Variants in ADGRE3 observed in about 807,000 individuals in gnomAD.
ADGRE3 encodes EGF-like module receptor 3.
ADGRE3 carries 88 observed loss-of-function variants against 80.1 expected under a neutral mutation model. The observed-to-expected ratio is 1.10, with a 90% CI of 0.93 to 1.31. The LOEUF (loss-of-function observed/expected upper bound fraction) is 1.31, where lower values mean the gene tolerates loss of function less well. ADGRE3 is among the 40% of genes most tolerant of loss of function. The pLI is 0.00. For synonymous variants in ADGRE3, 281 were observed against 294.8 expected, an observed-to-expected ratio of 0.95 and a Z score of 0.48; for missense variants, 715 against 776.5, an observed-to-expected ratio of 0.92 and a Z score of 0.94.
chr19:14,644,170 G>A lies in ADGRE3; in HGVS notation c.988C>T (p.His330Tyr). The change falls in exon 9 of 16, where the codon CAC (histidine) becomes TAC (tyrosine). Residue 330 changes from histidine to tyrosine, a missense_variant. Physicochemically the swap from His to Tyr is moderately conservative, Grantham distance 83. Coordinates refer to ENST00000253673, the MANE Select transcript of ADGRE3 (RefSeq NM_032571.5). ...AGGTGACTGCAATTACACATGGTGT[G>A]ACTCTTGTTCACGTGTATCAGGAAG... ...GCFLIHVNKS[H>Y]TMCNCSHLSS... 1.9e-6 allele frequency: 3 copies of A among 1,608,302 alleles called. No individual in the cohort carries two copies. Among genetic ancestry groups the A allele is most frequent in the Non-Finnish European group, 2.5e-6 (3 of 1,177,444 alleles).
intron 14 of ADGRE3, among the ~76,000 whole-genome samples, chr19:14,627,031 G>A (rs945241570): frequency 2.0e-5 from 3 of 152,202 alleles, no homozygotes; most frequent in Admixed American, 6.5e-5. Flanking sequence ...TGAGAGGGCC[G>A]TGGACAGCAT....
chr19:14,640,444 C>G (rs760232918), intron 10 of ADGRE3, among the ~76,000 whole-genome samples: 1 of 152,070 alleles, frequency 6.6e-6, no homozygotes, highest in Non-Finnish European at 1.5e-5. Flanking sequence ...TGCTCATCAC[C>G]ACGCTGGGCT....
chr19:14,638,135 G>A lies in ADGRE3; in HGVS notation c.1454C>T (p.Ser485Phe), dbSNP rs1447380683. 5 of 1,614,132 alleles carry A rather than the reference G, an allele frequency of 3.1e-6. No individual in the cohort carries two copies. Among genetic ancestry groups the A allele is most frequent in the Non-Finnish European group, 4.2e-6 (5 of 1,179,994 alleles). The change falls in exon 11 of 16, where the codon TCC becomes TTC. Residue 485 changes from serine to phenylalanine, a missense_variant. By Grantham distance (155) the Ser-to-Phe change is radical. Transcript: ENST00000253673. Reference protein sequence around the residue: ...PAVTVAISAASWPHLYGTADR... With the variant: ...PAVTVAISAAFWPHLYGTADR... ...AGCAGTTCCATAAAGGTGAGGCCAGGAGGCTGCAGAAATGGCCACAGTCAC... is the reference window on the plus strand; with the variant it reads ...AGCAGTTCCATAAAGGTGAGGCCAGAAGGCTGCAGAAATGGCCACAGTCAC...
chr19:14,608,747 CCT>C, the ADGRE3 span, among the ~76,000 whole-genome samples: 535 of 151,052 alleles, frequency 3.5e-3, 4 homozygotes, highest in African/African-American at 0.012. Flanking sequence ...GATTCTCCCA[CCT>C]CAGACTATTG....
intron 4 of ADGRE3, among the ~76,000 whole-genome samples, chr19:14,660,817 A>T (rs907492041): frequency 2.6e-5 from 4 of 151,898 alleles, no homozygotes; most frequent in East Asian, 1.9e-4. Flanking sequence ...AAACTGGGCC[A>T]ATGTATTCAT....
chr19:14,669,817 G>T (rs956026115), intron 1 of ADGRE3, among the ~76,000 whole-genome samples: 23 of 152,104 alleles, frequency 1.5e-4, no homozygotes, highest in African/African-American at 5.6e-4. Context: ...TTTTTGGGTA[G>T]ATACCCAGTA....
At chr19:14,609,180 A>G in the ADGRE3 span, among the ~76,000 whole-genome samples, 1 of 152,140 alleles carries the variant, frequency 6.6e-6, no homozygotes. Flanking sequence ...CTCACCTAAG[A>G]CACTACCCAA....
At chr19:14,619,847 T>A (rs560822954) in intron 15 of ADGRE3, among the ~76,000 whole-genome samples, 1 of 152,322 alleles carries the variant, frequency 6.6e-6, no homozygotes, top group East Asian at 1.9e-4. Context: ...TCAACAAATG[T>A]TCTCTTTGCA....
the ADGRE3 span, among the ~76,000 whole-genome samples, chr19:14,612,255 T>C: frequency 7.4e-4 from 112 of 152,270 alleles, 1 homozygote; most frequent in East Asian, 0.021. Flanking sequence ...TGAGGCCTCC[T>C]GTCTTGGCTT....
the ADGRE3 span, among the ~76,000 whole-genome samples, chr19:14,612,468 GGGATTACAGGTGTGCACCACCGTGCCT>G: frequency 1.3e-5 from 2 of 151,722 alleles, no homozygotes. Flanking sequence ...CTGAGTAGCT[GGGATTACAGGTGTGCACCACCGTGCCT>G]GGTTAATTCT....
intron 4 of ADGRE3, among the ~76,000 whole-genome samples, chr19:14,661,249 A>T (rs1475593359): frequency 6.6e-6 from 1 of 152,124 alleles, no homozygotes; most frequent in Non-Finnish European, 1.5e-5. Flanking sequence ...GCCGGTGGTC[A>T]TATTTTCTGT....
intron 11 of ADGRE3, among the ~76,000 whole-genome samples, chr19:14,637,871 G>T (rs1459658321): frequency 6.6e-6 from 1 of 151,972 alleles, no homozygotes; most frequent in African/African-American, 2.4e-5. Context: ...TGTCTTGGTG[G>T]ATTGGTACGT....
Position 14,662,096 on chromosome 19 carries a change from G to A in ADGRE3, c.222C>T (p.Pro74=). The change falls in exon 4 of 16, where the codon CCC becomes CCT. Residue 74 remains proline (P), a synonymous_variant. Transcript: ENST00000253673. ...TCNDINECTP[P]YSVYCGFNAV... is the part of the protein sequence containing the mutation. ...CGTTAAATCCACAATATACACTATA[G>A]GGTGGTGTACATTCATTAATGTCTG... The A allele has an allele frequency of 6.2e-7, 1 of 1,614,052 alleles. No individual in the cohort carries two copies. Among genetic ancestry groups the A allele is most frequent in the Non-Finnish European group, 8.5e-7 (1 of 1,179,934 alleles).
At chr19:14,648,956 TCCATCTCTCTCCCCCATTTCTCTCTCC>T (rs923219257) in intron 7 of ADGRE3, among the ~76,000 whole-genome samples, 2 of 151,784 alleles carry the variant, frequency 1.3e-5, no homozygotes, top group Admixed American at 6.6e-5. Flanking sequence ...TCTCTCTCTT[TCCATCTCTCTCCCCCATTTCTCTCTCC>T]CCATCTCTCT....
intron 7 of ADGRE3, among the ~76,000 whole-genome samples, chr19:14,647,931 G>A (rs375043839): frequency 7.5e-4 from 113 of 151,354 alleles, no homozygotes; most frequent in African/African-American, 2.7e-3. Flanking sequence ...AAAATACAAA[G>A]ATTAGCTGGT....
the ADGRE3 span, among the ~76,000 whole-genome samples, chr19:14,605,742 T>C: frequency 6.6e-6 from 1 of 151,988 alleles, no homozygotes; most frequent in Admixed American, 6.6e-5. Context: ...AGACCTGGGA[T>C]TTTGACTTTT....
At chr19:14,639,312 G>T (rs755522960) in intron 10 of ADGRE3, among the ~76,000 whole-genome samples, 2 of 151,924 alleles carry the variant, frequency 1.3e-5, no homozygotes, top group Admixed American at 1.3e-4. Context: ...ACTTCACATT[G>T]TACCCCATAA....
At chr19:14,645,897 A>T (rs888082424) in intron 8 of ADGRE3, among the ~76,000 whole-genome samples, 1 of 152,084 alleles carries the variant, frequency 6.6e-6, no homozygotes, top group Non-Finnish European at 1.5e-5. Flanking sequence ...CCTTGAGCCC[A>T]GGAGTCCGAG....
chr19:14,666,258 C>T (rs10402543), intron 2 of ADGRE3, among the ~76,000 whole-genome samples: 4,717 of 151,558 alleles, frequency 0.031, 227 homozygotes, highest in African/African-American at 0.11. Flanking sequence ...TCAAAGCCAA[C>T]ATCTATTATT....
Sources: gnomAD v4.1 joint callset for allele counts (sites outside exome capture counted in the v4.1 genomes callset) on GRCh38, gnomAD v4.1.1 for gene constraint, MANE v1.5 for transcripts, NCBI Gene and HGNC (gene_info 2026-07-23, HGNC 2026-07-21) for gene names.